Variants in ATP2B1 observed in about 807,000 individuals in gnomAD.
ATP2B1 encodes the protein ATPase plasma membrane Ca2+ transporting 1.
In ATP2B1, 14 loss-of-function variants were observed where a neutral mutation model predicts 124.2. The observed-to-expected ratio is 0.11, with a 90% CI of 0.07 to 0.18. The LOEUF (loss-of-function observed/expected upper bound fraction) is 0.18, where lower values mean the gene tolerates loss of function less well. Among genes scored for constraint, ATP2B1 ranks in the 10% least tolerant of loss-of-function variants. The pLI is 1.00. For missense variants in ATP2B1, 763 were observed against 1,466.1 expected, an observed-to-expected ratio of 0.52 and a Z score of 7.83; for synonymous variants, 449 against 492.4, an observed-to-expected ratio of 0.91 and a Z score of 1.17.
chr12:89,643,076 AC>A (rs1565861300), intron 2 of ATP2B1, among the ~76,000 whole-genome samples: 126 of 151,250 alleles, frequency 8.3e-4, no homozygotes, highest in African/African-American at 3.0e-3. Context: ...ACACACACAC[AC>A]ACACACACAC....
chr12:89,695,058 C>CAAAAAAAAAA (rs544087541), intron 1 of ATP2B1, among the ~76,000 whole-genome samples: 5 of 111,188 alleles, frequency 4.5e-5, no homozygotes, highest in African/African-American at 6.6e-5. Context: ...GATGCTGTTT[C>CAAAAAAAAAA]AAAAAAAAAA....
intron 1 of ATP2B1, among the ~76,000 whole-genome samples, chr12:89,699,121 T>A (rs1441775113): frequency 6.6e-6 from 1 of 152,218 alleles, no homozygotes; most frequent in Non-Finnish European, 1.5e-5. Context: ...CTTTGAGCTC[T>A]CAGGGAATTC....
At chr12:89,639,696 T>C (rs897636994) in intron 3 of ATP2B1, among the ~76,000 whole-genome samples, 1 of 152,066 alleles carries the variant, frequency 6.6e-6, no homozygotes, top group African/African-American at 2.4e-5. Context: ...AAAAGGGCCT[T>C]AGAACACCGA....
intron 2 of ATP2B1, among the ~76,000 whole-genome samples, chr12:89,650,049 C>T (rs1394466875): frequency 1.3e-5 from 2 of 152,162 alleles, no homozygotes; most frequent in Non-Finnish European, 2.9e-5. Flanking sequence ...TCCTGTACAG[C>T]CTTGCAGAAC....
chr12:89,601,106 A>C (rs1345097583), intron 19 of ATP2B1, among the ~76,000 whole-genome samples: 2 of 152,210 alleles, frequency 1.3e-5, no homozygotes, highest in African/African-American at 2.4e-5. Context: ...AAAACACATA[A>C]AAAGTTAGGA....
rs773630530 is a variant in ATP2B1, at chr12:89,630,487, G to C, written c.928+18C>G. Reference sequence around the variant, plus strand: ...GCCCTATTTCCAAATACCAATTATAGAAAATTGTTATTCTTACTTTTCTTT... The same window carrying C: ...GCCCTATTTCCAAATACCAATTATACAAAATTGTTATTCTTACTTTTCTTT... On this transcript the variant is annotated intron_variant, in intron 6 of 20. Transcript: ENST00000428670. The C allele has an allele frequency of 1.3e-6, 2 of 1,517,790 alleles. No homozygotes were observed. Among genetic ancestry groups the C allele is most frequent in the Non-Finnish European group, 1.8e-6 (2 of 1,127,568 alleles). The allele number at this position is 1,517,790 out of a possible 1,614,324, so 94.0% of individuals were successfully genotyped here.
Position 89,705,997 on chromosome 12 carries a change from C to T in ATP2B1, c.-222+2599G>A, listed in dbSNP as rs137915413. On this transcript the variant is annotated intron_variant, in intron 1 of 20. Transcript: ENST00000428670. ...TTAATTCATTACTTGGGAGCTAAATCCCTTTTCTCATGTTACATCAAAAAA... is the reference window on the plus strand; with the variant it reads ...TTAATTCATTACTTGGGAGCTAAATTCCTTTTCTCATGTTACATCAAAAAA... Among the ~76,000 whole-genome samples the T allele has an allele frequency of 4.2e-3, 643 of 152,214 alleles. 6 individuals are homozygous for T. The highest frequency in any genetic ancestry group is 0.015 in the African/African-American group (620 of 41,540).
intron 1 of ATP2B1, among the ~76,000 whole-genome samples, chr12:89,679,423 G>C (rs995620684): frequency 1.3e-5 from 2 of 152,286 alleles, no homozygotes; most frequent in South Asian, 4.1e-4. Context: ...GTTGGAATCA[G>C]TCTCCAGGAC....
chr12:89,681,495 CTCA>C lies in ATP2B1; in HGVS notation c.-221-25391_-221-25389del, dbSNP rs566127787. Among the ~76,000 whole-genome samples, 329 of 152,024 alleles carry C rather than the reference CTCA, an allele frequency of 2.2e-3. 1 individual carries two copies. The highest frequency in any genetic ancestry group is 7.7e-3 in the African/African-American group (318 of 41,450). On this transcript the variant is annotated intron_variant, in intron 1 of 20. Coordinates refer to ENST00000428670, the MANE Select transcript of ATP2B1 (RefSeq NM_001366521.1). Reference sequence around the variant, plus strand: ...TCCCAGACTCAAGTGATTCTCGTGCCTCAGCCTCCTGAGTGGCTGGGATTACAG... The same window carrying C: ...TCCCAGACTCAAGTGATTCTCGTGCCGCCTCCTGAGTGGCTGGGATTACAG...
chr12:89,690,579 T>A (rs1374662187), intron 1 of ATP2B1, among the ~76,000 whole-genome samples: 2 of 151,700 alleles, frequency 1.3e-5, no homozygotes, highest in Admixed American at 6.6e-5. Flanking sequence ...TTTGCTTTTT[T>A]TAAAAAAAAA....
chr12:89,707,365 G>A (rs1892590004), intron 1 of ATP2B1, among the ~76,000 whole-genome samples: 1 of 152,146 alleles, frequency 6.6e-6, no homozygotes, highest in Non-Finnish European at 1.5e-5. Context: ...TTTAAAATAA[G>A]ACTGTCCTCA....
intron 1 of ATP2B1, among the ~76,000 whole-genome samples, chr12:89,676,618 T>C (rs1888638052): frequency 6.6e-6 from 1 of 152,060 alleles, no homozygotes; most frequent in East Asian, 1.9e-4. Flanking sequence ...CTACTATTGA[T>C]GTTTATGTAG....
intron 15 of ATP2B1, among the ~76,000 whole-genome samples, chr12:89,609,297 C>T (rs1040316702): frequency 6.6e-6 from 1 of 152,166 alleles, no homozygotes; most frequent in Non-Finnish European, 1.5e-5. Flanking sequence ...AACAGCCTCA[C>T]ATCAGTTCAG....
In ATP2B1 at chr12:89,648,163, CT is replaced by C. The variant is rs1344852732; in HGVS notation, c.209-5809del. 4.6e-5 allele frequency among the ~76,000 whole-genome samples: 7 copies of C among 152,140 alleles called. No homozygotes were observed. In the East Asian group the frequency reaches 1.3e-3, roughly 29 times the overall value. ...AAGATACCTTAAAAAGTGGAAGCGG[CT>C]TTGTAGCTGGGTAACAGGCAGAGGC... On this transcript the variant is annotated intron_variant, in intron 2 of 20. Coordinates refer to ENST00000428670, the MANE Select transcript of ATP2B1 (RefSeq NM_001366521.1).
intron 8 of ATP2B1, among the ~76,000 whole-genome samples, 166 bp downstream of exon 8, chr12:89,626,288 T>C (rs954326676): frequency 2.0e-4 from 31 of 152,162 alleles, no homozygotes; most frequent in African/African-American, 7.0e-4. Context: ...TAAGTACCTA[T>C]AGTAACTCAA....
At chr12:89,664,961 GCTGGGATTA>G (rs1476256005) in intron 1 of ATP2B1, among the ~76,000 whole-genome samples, 1 of 151,600 alleles carries the variant, frequency 6.6e-6, no homozygotes. Flanking sequence ...TCATGCCTCA[GCTGGGATTA>G]CAGGCATGCA....
intron 1 of ATP2B1, among the ~76,000 whole-genome samples, chr12:89,661,621 G>T (rs953194472): frequency 2.0e-5 from 3 of 152,138 alleles, no homozygotes; most frequent in African/African-American, 7.2e-5. Flanking sequence ...ACTGTACTTC[G>T]AAACTGGTAC....
At chr12:89,677,961 TATATATATATACACACACACACACAC>T (rs954614981) in intron 1 of ATP2B1, among the ~76,000 whole-genome samples, 2 of 25,816 alleles carry the variant, frequency 7.7e-5, no homozygotes, top group African/African-American at 2.3e-4. Flanking sequence ...GAATTATATA[TATATATATATACACACACACACACAC>T]ACACACACAC....
In ATP2B1 at chr12:89,591,036, G is replaced by A. The variant is rs770504242; in HGVS notation, c.3611C>T (p.Ala1204Val). ...TGGGCTTCCTGGGGATGAAGAGGTA[G>A]CAGACTTGTTCATTTCTATTGTAAG... ...IHLTIEMNKS[A>V]TSSSPGSPLH... The change falls in exon 21 of 21, where the codon GCT (alanine) becomes GTT (valine). Residue 1204 changes from alanine (A) to valine (V), a missense_variant. Transcript: ENST00000428670. The A allele has an allele frequency of 6.2e-7, 1 of 1,613,134 alleles. No homozygotes were observed. Among genetic ancestry groups the A allele is most frequent in the Admixed American group, 1.7e-5 (1 of 59,962 alleles).
Sources: allele counts gnomAD v4.1 joint callset (sites outside exome capture counted in the v4.1 genomes callset), GRCh38; gene constraint gnomAD v4.1.1; transcripts MANE v1.5; gene names NCBI Gene and HGNC (gene_info 2026-07-23, HGNC 2026-07-21).